Variants in SORCS1 observed in about 807,000 individuals in gnomAD.
SORCS1 encodes VPS10 domain-containing receptor SorCS1.
A neutral mutation model predicts 146.1 loss-of-function variants in SORCS1; 60 were observed. That is an observed-to-expected ratio of 0.41 (90% CI 0.33 to 0.51). The LOEUF is 0.51. Ranked by LOEUF, SORCS1 falls within the 20% of genes least tolerant of loss-of-function variation. SORCS1 has a pLI of 0.21. For synonymous variants in SORCS1, 637 were observed against 584.0 expected, an observed-to-expected ratio of 1.09 and a Z score of -1.31; for missense variants, 1,352 against 1,487.6, an observed-to-expected ratio of 0.91 and a Z score of 1.50.
At chr10:106,806,009 G>A (rs1185431897) in intron 3 of SORCS1, among the ~76,000 whole-genome samples, 5 of 142,816 alleles carry the variant, frequency 3.5e-5, no homozygotes, top group South Asian at 4.4e-4. Context: ...GCAGTGAGCC[G>A]AGATCGCACC....
In SORCS1 at chr10:106,778,717, A is replaced by G. The variant is rs534499769; in HGVS notation, c.727-2025T>C. 2.6e-5 allele frequency among the ~76,000 whole-genome samples: 4 copies of G among 152,280 alleles called. No individual in the cohort carries two copies. In the South Asian group the frequency reaches 6.2e-4, roughly 24 times the overall value. ...GCACTACTGCCGAAAAGTCATTTCC[A>G]TGATAATATGAAGAAGCTCAATTTT... is the stretch of plus-strand genomic sequence containing the variant. On this transcript the variant is annotated intron_variant, in intron 3 of 25. Coordinates refer to ENST00000263054, the MANE Select transcript of SORCS1 (RefSeq NM_052918.5).
chr10:106,766,513 A>C (rs1159147258), intron 4 of SORCS1, among the ~76,000 whole-genome samples: 4 of 152,198 alleles, frequency 2.6e-5, no homozygotes, highest in African/African-American at 7.2e-5. Context: ...TGCGGTCCTC[A>C]GAAGTATGTT....
intron 9 of SORCS1, among the ~76,000 whole-genome samples, chr10:106,696,797 T>C (rs1363658302): frequency 6.6e-6 from 1 of 152,242 alleles, no homozygotes; most frequent in Non-Finnish European, 1.5e-5. Context: ...CCTGTCTAAA[T>C]TTGTCATTTT....
chr10:107,089,651 A>T (rs1012254035), intron 1 of SORCS1, among the ~76,000 whole-genome samples: 1 of 152,234 alleles, frequency 6.6e-6, no homozygotes, highest in Non-Finnish European at 1.5e-5. Flanking sequence ...AACAAATGAA[A>T]AAAAGGTAAA....
At chr10:106,814,982 C>T (rs57354951) in intron 3 of SORCS1, among the ~76,000 whole-genome samples, 2,167 of 148,660 alleles carry the variant, frequency 0.015, 67 homozygotes, top group East Asian at 0.14. Flanking sequence ...GTTTTTGAGA[C>T]GGAGTCTCAC....
chr10:106,954,580 G>T (rs1354321615), intron 2 of SORCS1, among the ~76,000 whole-genome samples: 1 of 152,100 alleles, frequency 6.6e-6, no homozygotes, highest in Non-Finnish European at 1.5e-5. Context: ...GTCCCTATCT[G>T]CCTAGGAATT....
intron 2 of SORCS1, among the ~76,000 whole-genome samples, chr10:106,937,038 C>T (rs1413415006): frequency 6.6e-6 from 1 of 152,148 alleles, no homozygotes; most frequent in African/African-American, 2.4e-5. Flanking sequence ...GTGTCCCCAC[C>T]CAAATCTCAT....
chr10:106,975,904 T>C (rs929095085), intron 1 of SORCS1, among the ~76,000 whole-genome samples: 4 of 152,092 alleles, frequency 2.6e-5, no homozygotes, highest in African/African-American at 9.7e-5. Context: ...TCCCAGCACT[T>C]TGGGAGGCCG....
At chr10:107,096,443 G>T (rs2134346928) in intron 1 of SORCS1, among the ~76,000 whole-genome samples, 1 of 152,268 alleles carries the variant, frequency 6.6e-6, no homozygotes, top group Admixed American at 6.5e-5. Flanking sequence ...TGAAGACTTA[G>T]CTTTAGCAAA....
chr10:106,829,995 G>C (rs1948470568), intron 2 of SORCS1, among the ~76,000 whole-genome samples: 1 of 152,160 alleles, frequency 6.6e-6, no homozygotes, highest in South Asian at 2.1e-4. Flanking sequence ...AGAGTTTTTA[G>C]TCAGATATGA....
Position 106,997,409 on chromosome 10 carries a change from C to A in SORCS1, c.559-40829G>T, listed in dbSNP as rs141053054. Among the ~76,000 whole-genome samples, 791 of 152,256 alleles carry A rather than the reference C, an allele frequency of 5.2e-3. 5 individuals are homozygous for A. Among genetic ancestry groups the A allele is most frequent in the Middle Eastern group, 0.031 (9 of 294 alleles). ...CTGCCACAGATTCTCTTATTTTGAC[C>A]AAATGCTTTTCTCTTTGACAACATC... On this transcript the variant is annotated intron_variant, in intron 1 of 25. Coordinates refer to ENST00000263054, the MANE Select transcript of SORCS1 (RefSeq NM_052918.5).
intron 3 of SORCS1, among the ~76,000 whole-genome samples, chr10:106,791,764 G>C (rs767177588): frequency 1.2e-4 from 18 of 152,186 alleles, no homozygotes; most frequent in Non-Finnish European, 2.5e-4. Flanking sequence ...GTGTTTTTCA[G>C]AAGAGTATAC....
At chr10:107,088,929 GTTA>G (rs1047537124) in intron 1 of SORCS1, among the ~76,000 whole-genome samples, 40 of 151,942 alleles carry the variant, frequency 2.6e-4, no homozygotes, top group African/African-American at 8.0e-4. Context: ...ATATGAGCAA[GTTA>G]TTATTTGTTA....
intron 2 of SORCS1, among the ~76,000 whole-genome samples, chr10:106,856,189 G>T (rs1481138212): frequency 6.6e-6 from 1 of 152,054 alleles, no homozygotes; most frequent in Non-Finnish European, 1.5e-5. Context: ...ACCGCGTCCA[G>T]CTAATTTTTG....
At chr10:107,132,136 C>G (rs1025498860) in intron 1 of SORCS1, among the ~76,000 whole-genome samples, 2 of 151,788 alleles carry the variant, frequency 1.3e-5, no homozygotes, top group African/African-American at 4.8e-5. Context: ...TCTCTCTCAC[C>G]CTCTCTCCCT....
At chr10:107,023,489 G>C (rs1011220429) in intron 1 of SORCS1, among the ~76,000 whole-genome samples, 1 of 152,112 alleles carries the variant, frequency 6.6e-6, no homozygotes, top group Non-Finnish European at 1.5e-5. Flanking sequence ...ATGTGCTAGA[G>C]GGCACAGGTA....
At chr10:106,800,867 C>T (rs1321464727) in intron 3 of SORCS1, among the ~76,000 whole-genome samples, 1 of 152,108 alleles carries the variant, frequency 6.6e-6, no homozygotes, top group Non-Finnish European at 1.5e-5. Context: ...TAAAAAGAAA[C>T]AGAGGGTCTC....
chr10:107,152,773 T>C (rs995268616), intron 1 of SORCS1, among the ~76,000 whole-genome samples: 3 of 152,200 alleles, frequency 2.0e-5, no homozygotes, highest in African/African-American at 7.2e-5. Flanking sequence ...CACCCAGTCA[T>C]GGGTATGTCT....
At chr10:106,602,779 T>A (rs1319998471) in intron 23 of SORCS1, among the ~76,000 whole-genome samples, 2 of 152,182 alleles carry the variant, frequency 1.3e-5, no homozygotes, top group Non-Finnish European at 2.9e-5. Context: ...AACTCCAGAG[T>A]ATTTTTGTAA....
Sources: allele counts gnomAD v4.1 joint callset (sites outside exome capture counted in the v4.1 genomes callset), GRCh38; gene constraint gnomAD v4.1.1; transcripts MANE v1.5; gene names NCBI Gene and HGNC (gene_info 2026-07-23, HGNC 2026-07-21).